Variants in FRY observed in about 807,000 individuals in gnomAD.
FRY encodes protein furry homolog.
FRY carries 128 observed loss-of-function variants against 348.4 expected under a neutral mutation model. The ratio of observed to expected loss-of-function variants is 0.37; its 90% CI spans 0.32 to 0.43. The LOEUF is 0.43. FRY is among the 20% of genes least tolerant of loss of function. The probability of loss-of-function intolerance (pLI) is 1.00; values close to 1 mark genes in which losing one functional copy is unlikely to be tolerated. For missense variants in FRY, 2,736 were observed against 3,695.2 expected (o/e 0.74, Z 6.73); for synonymous variants, 1,370 against 1,374.7 (o/e 1.00, Z 0.08).
At chr13:32,293,604 T>A (rs2138661937) in intron 59 of FRY, among the ~76,000 whole-genome samples, 1 of 152,330 alleles carries the variant, frequency 6.6e-6, no homozygotes, top group African/African-American at 2.4e-5. Flanking sequence ...AAAACAACCA[T>A]CTTCCGTAGT....
intron 36 of FRY, among the ~76,000 whole-genome samples, chr13:32,219,615 C>T (rs1206567525): frequency 2.6e-5 from 4 of 151,362 alleles, no homozygotes; most frequent in African/African-American, 9.7e-5. Context: ...AAAAATTAGC[C>T]GGGCATGGTG....
intron 19 of FRY, 57 bp from the exon 20 acceptor site, chr13:32,175,489 G>T (rs759252699): frequency 3.0e-6 from 3 of 1,016,832 alleles, no homozygotes; most frequent in Non-Finnish European, 3.2e-6. Flanking sequence ...GAAGGCGGTG[G>T]GGTGGGTGGG....
At chr13:32,245,766 G>C (rs1016635736) in intron 47 of FRY, among the ~76,000 whole-genome samples, 1 of 127,898 alleles carries the variant, frequency 7.8e-6, no homozygotes, top group African/African-American at 2.5e-5. Flanking sequence ...AGTAGAGAGC[G>C]CCTAGCTCAA....
chr13:32,200,887 T>C (rs569978398), intron 29 of FRY, among the ~76,000 whole-genome samples: 1 of 152,336 alleles, frequency 6.6e-6, no homozygotes, highest in East Asian at 1.9e-4. Flanking sequence ...CTCTACTGTT[T>C]CTGCCCTAAT....
intron 51 of FRY, among the ~76,000 whole-genome samples, chr13:32,257,538 T>C (rs1887400607): frequency 6.6e-6 from 1 of 152,254 alleles, no homozygotes; most frequent in Non-Finnish European, 1.5e-5. Flanking sequence ...CAAACACTTT[T>C]AGCTTTGTGA....
chr13:32,270,168 T>C (rs1288235662), intron 55 of FRY, among the ~76,000 whole-genome samples: 2 of 152,114 alleles, frequency 1.3e-5, no homozygotes, highest in Non-Finnish European at 2.9e-5. Context: ...ATGTTAAGGA[T>C]TGAGAGGCAA....
Position 32,169,437 on chromosome 13 carries a change from G to A in FRY, c.1893-1575G>A, listed in dbSNP as rs145809782. 4.1e-3 allele frequency among the ~76,000 whole-genome samples: 627 copies of A among 152,314 alleles called. 2 individuals are homozygous for A. The highest frequency in any genetic ancestry group is 7.4e-3 in the Non-Finnish European group (500 of 68,012). On this transcript the variant is annotated intron_variant, in intron 17 of 60. Coordinates refer to ENST00000542859, the MANE Select transcript of FRY (RefSeq NM_023037.3). ...GATCATTCAGTGACCCTCACGACAG[G>A]TTTATGGAATGCAGTTACAGTTAGT...
chr13:32,134,864 A>T (rs371758578), intron 8 of FRY, 40 bp from the exon 9 acceptor site: 1 of 1,223,418 alleles, frequency 8.2e-7, no homozygotes, highest in African/African-American at 1.5e-5. Flanking sequence ...TGTACATTTC[A>T]ACCTACTCTC....
chr13:32,130,505 G>T (rs1879292974), intron 7 of FRY, among the ~76,000 whole-genome samples: 1 of 119,046 alleles, frequency 8.4e-6, no homozygotes, highest in Admixed American at 8.8e-5. Context: ...TTGGTGAATA[G>T]ACAAACCAGC....
chr13:32,178,309 T>C lies in FRY; in HGVS notation c.2554T>C (p.Trp852Arg), dbSNP rs1401108055. 6.2e-7 allele frequency: 1 copy of C among 1,614,236 alleles called. No homozygotes were observed. The highest frequency in any genetic ancestry group is 1.7e-5 in the Admixed American group (1 of 60,030). Residue 852 changes from tryptophan (W) to arginine (R), a missense_variant, in exon 21 of 61, where the codon TGG (tryptophan) becomes CGG (arginine). Trp to Arg is a moderately radical substitution (Grantham distance 101, BLOSUM62 -3). This residue lies in a region of FRY where 449 missense variants were observed against 576.9 expected (regional missense o/e 0.78). Coordinates refer to ENST00000542859, the MANE Select transcript of FRY (RefSeq NM_023037.3). ...ATTTGCACAGTCTGTCAAAGACCCC[T>C]GGGTCCTCTGCCTCTTCAGCTTCCT... The part of the protein sequence containing the change: ...WIFAQSVKDP[W>R]VLCLFSFLRQ...
intron 2 of FRY, among the ~76,000 whole-genome samples, chr13:32,094,765 G>A (rs989830994): frequency 2.0e-5 from 3 of 152,092 alleles, no homozygotes; most frequent in Admixed American, 6.5e-5. Flanking sequence ...ATCTCTTGAT[G>A]GACACTTAGG....
chr13:32,244,520 A>G (rs1369980610), intron 47 of FRY, among the ~76,000 whole-genome samples: 1 of 152,166 alleles, frequency 6.6e-6, no homozygotes, highest in African/African-American at 2.4e-5. Context: ...AGAGGGGACA[A>G]GGAACTGTAG....
chr13:32,065,496 C>T (rs111594977), intron 1 of FRY, among the ~76,000 whole-genome samples: 2,513 of 152,014 alleles, frequency 0.017, 79 homozygotes, highest in African/African-American at 0.058. Flanking sequence ...AGTAGAGATG[C>T]GGTTTCACCG....
At chr13:32,105,546 C>T (rs1047620976) in intron 3 of FRY, among the ~76,000 whole-genome samples, 1 of 152,210 alleles carries the variant, frequency 6.6e-6, no homozygotes, top group Non-Finnish European at 1.5e-5. Context: ...TGGCATTAAA[C>T]ATTCAAATTA....
chr13:32,185,764 G>A (rs1306573296), intron 26 of FRY, among the ~76,000 whole-genome samples: 2 of 151,872 alleles, frequency 1.3e-5, no homozygotes, highest in Non-Finnish European at 2.9e-5. Context: ...TAATATTTCC[G>A]CTTTTCGCTA....
intron 51 of FRY, among the ~76,000 whole-genome samples, chr13:32,258,992 C>T (rs1887484357): frequency 6.6e-6 from 1 of 152,190 alleles, no homozygotes; most frequent in Admixed American, 6.5e-5. Context: ...AATAGTATTT[C>T]TAACATTTAT....
Position 32,134,084 on chromosome 13 carries a change from G to C in FRY, c.886-820G>C, listed in dbSNP as rs547333957. ...ATGAGCCATGGCATCTGGCTGCCCT[G>C]GACTCTTGAATGAAAACAATACCTG... On this transcript the variant is annotated intron_variant, in intron 8 of 60. Transcript: ENST00000542859. Among the ~76,000 whole-genome samples, 170 of 152,124 alleles carry C rather than the reference G, an allele frequency of 1.1e-3. 1 individual carries two copies. Among genetic ancestry groups the C allele is most frequent in the African/African-American group, 3.9e-3 (162 of 41,506 alleles).
In FRY at chr13:32,265,487, A is replaced by C. The variant is rs1430330486; in HGVS notation, c.7817A>C (p.His2606Pro). 1 of 1,614,198 alleles carries C rather than the reference A, an allele frequency of 6.2e-7. No individual in the cohort carries two copies. Among genetic ancestry groups the C allele is most frequent in the Non-Finnish European group, 8.5e-7 (1 of 1,180,024 alleles). Residue 2606 changes from histidine to proline, a missense_variant, in exon 54 of 61, where the codon CAT becomes CCT. His to Pro is a moderately conservative substitution (Grantham distance 77, BLOSUM62 -2). Around this residue, in one of 9 missense-constraint regions of FRY, gnomAD observed 789 missense variants for 996.2 expected, o/e 0.79. Coordinates refer to ENST00000542859, the MANE Select transcript of FRY (RefSeq NM_023037.3). ...AVREEEDTTV[H>P]EDDLSSSINE... is the part of the protein sequence containing the mutation. ...CGTGAGGAGGAGGACACCACCGTGC[A>C]TGAGGATGATCTTTCTAGTTCCATC...
chr13:32,216,829 A>G (rs1285118623), intron 35 of FRY, among the ~76,000 whole-genome samples: 2 of 152,238 alleles, frequency 1.3e-5, no homozygotes, highest in African/African-American at 4.8e-5. Flanking sequence ...TTATAGATTC[A>G]CAAATGCCCA....
Sources: gnomAD v4.1 joint callset for allele counts (sites outside exome capture counted in the v4.1 genomes callset) on GRCh38, gnomAD v4.1.1 for gene constraint, gnomAD v4.1.1 regional missense constraint, MANE v1.5 for transcripts, NCBI Gene and HGNC (gene_info 2026-07-23, HGNC 2026-07-21) for gene names.